The following SLC10A7 variants were observed in gnomAD, a reference collection of about 807,000 sequenced individuals.
The protein encoded by SLC10A7 is sodium/bile acid cotransporter 7.
In SLC10A7, 29 loss-of-function variants were observed where a neutral mutation model predicts 43.2. The observed-to-expected ratio is 0.67, with a 90% confidence interval of 0.50 to 0.92. The LOEUF (loss-of-function observed/expected upper bound fraction) is 0.92. SLC10A7 is among the 40% of genes least tolerant of loss of function. SLC10A7 has a pLI of 0.00. For missense variants in SLC10A7, 295 were observed against 403.2 expected (o/e 0.73, Z 2.30); for synonymous variants, 152 against 144.8 (o/e 1.05, Z -0.35).
chr4:146,355,136 T>C (rs1187585958), intron 5 of SLC10A7, among the ~76,000 whole-genome samples: 1 of 147,720 alleles, frequency 6.8e-6, no homozygotes, highest in Non-Finnish European at 1.5e-5. Context: ...CGCAACCTAC[T>C]CATCTGACAA....
intron 4 of SLC10A7, 74 bp from the exon 5 acceptor site, chr4:146,442,895 CT>C (rs1319024746): frequency 1.9e-6 from 2 of 1,048,414 alleles, no homozygotes; most frequent in East Asian, 5.3e-5. Flanking sequence ...GATTATCATT[CT>C]CCCCTCCCCC....
chr4:146,472,101 T>G (rs1316526968), intron 4 of SLC10A7, among the ~76,000 whole-genome samples: 2 of 152,130 alleles, frequency 1.3e-5, no homozygotes, highest in Non-Finnish European at 2.9e-5. Flanking sequence ...TAAACTTTTC[T>G]ATAAAATATA....
At chr4:146,462,639 A>T (rs146176501) in intron 4 of SLC10A7, among the ~76,000 whole-genome samples, 9 of 152,204 alleles carry the variant, frequency 5.9e-5, no homozygotes, top group Admixed American at 5.9e-4. Context: ...GTAAGCAGTG[A>T]AGCACTAAAT....
intron 4 of SLC10A7, among the ~76,000 whole-genome samples, chr4:146,494,943 T>C (rs1735757487): frequency 6.6e-6 from 1 of 152,154 alleles, no homozygotes; most frequent in African/African-American, 2.4e-5. Flanking sequence ...TATAGCAGCT[T>C]AAAACAAATA....
intron 2 of SLC10A7, among the ~76,000 whole-genome samples, chr4:146,511,463 G>A (rs957744050): frequency 6.6e-6 from 1 of 152,158 alleles, no homozygotes; most frequent in African/African-American, 2.4e-5. Context: ...AGATGTTCAA[G>A]AGATCCTCAG....
At chr4:146,455,934 A>G (rs1341808307) in intron 4 of SLC10A7, among the ~76,000 whole-genome samples, 1 of 151,902 alleles carries the variant, frequency 6.6e-6, no homozygotes, top group Non-Finnish European at 1.5e-5. Flanking sequence ...TTTTGCCATT[A>G]CAAGTAGCGT....
intron 5 of SLC10A7, among the ~76,000 whole-genome samples, chr4:146,388,220 C>T (rs1436729754): frequency 1.3e-5 from 2 of 152,110 alleles, no homozygotes; most frequent in African/African-American, 4.8e-5. Context: ...GGTATAAAAA[C>T]AGACAAATAG....
chr4:146,403,798 T>C (rs1007259294), intron 5 of SLC10A7, among the ~76,000 whole-genome samples: 1 of 152,064 alleles, frequency 6.6e-6, no homozygotes, highest in Non-Finnish European at 1.5e-5. Flanking sequence ...GGGAAGAAAA[T>C]CCAAACTCTT....
chr4:146,474,132 GAAA>G (rs386357490), intron 4 of SLC10A7, among the ~76,000 whole-genome samples: 2 of 13,372 alleles, frequency 1.5e-4, no homozygotes, highest in Non-Finnish European at 2.7e-4. Context: ...AAATAAAAGA[GAAA>G]AAAAAAAAAC....
intron 5 of SLC10A7, among the ~76,000 whole-genome samples, chr4:146,372,730 A>T (rs1210697795): frequency 6.6e-6 from 1 of 152,184 alleles, no homozygotes; most frequent in South Asian, 2.1e-4. Flanking sequence ...TTGCAAAGAG[A>T]ATGGCATAAA....
intron 2 of SLC10A7, chr4:146,515,181 C>A: frequency 1.4e-6 from 1 of 702,218 alleles, no homozygotes; most frequent in Non-Finnish European, 2.6e-6. Flanking sequence ...AAGTTGCTTT[C>A]TGGATTTCCC....
intron 4 of SLC10A7, among the ~76,000 whole-genome samples, chr4:146,449,769 T>C (rs1032318256): frequency 1.3e-5 from 2 of 152,204 alleles, no homozygotes; most frequent in African/African-American, 4.8e-5. Context: ...CATGTTTATA[T>C]ATTCATTAAT....
At chr4:146,361,106 TCTC>T (rs1186207841) in intron 5 of SLC10A7, among the ~76,000 whole-genome samples, 1 of 152,108 alleles carries the variant, frequency 6.6e-6, no homozygotes, top group African/African-American at 2.4e-5. Context: ...TTCCCTATCT[TCTC>T]CTATCATAGC....
intron 5 of SLC10A7, among the ~76,000 whole-genome samples, chr4:146,433,019 C>G (rs899800002): frequency 2.7e-5 from 4 of 148,634 alleles, no homozygotes; most frequent in Non-Finnish European, 4.4e-5. Context: ...GCGTGGGTGA[C>G]AGAGCAAGAC....
chr4:146,464,576 G>C (rs1732835417), intron 4 of SLC10A7, among the ~76,000 whole-genome samples: 1 of 151,932 alleles, frequency 6.6e-6, no homozygotes, highest in Non-Finnish European at 1.5e-5. Flanking sequence ...TAAATGAACA[G>C]TAAGCCTTTT....
chr4:146,330,840 A>G (rs552108686), intron 5 of SLC10A7, among the ~76,000 whole-genome samples: 6 of 152,196 alleles, frequency 3.9e-5, no homozygotes, highest in South Asian at 2.1e-4. Flanking sequence ...TCAGGCAAAC[A>G]GTGGTCTGGC....
At chr4:146,490,705 C>T (rs1272712811) in intron 4 of SLC10A7, among the ~76,000 whole-genome samples, 1 of 152,098 alleles carries the variant, frequency 6.6e-6, no homozygotes, top group African/African-American at 2.4e-5. Flanking sequence ...TTAACTGGAA[C>T]TAAAATGGAC....
intron 6 of SLC10A7, among the ~76,000 whole-genome samples, chr4:146,307,112 C>T (rs1231045331): frequency 6.6e-6 from 1 of 152,140 alleles, no homozygotes; most frequent in Admixed American, 6.6e-5. Context: ...TCACTGATTT[C>T]TGCATGAATG....
chr4:146,264,854 C>G (rs1425289892), intron 10 of SLC10A7, among the ~76,000 whole-genome samples: 2 of 152,184 alleles, frequency 1.3e-5, no homozygotes, highest in East Asian at 3.8e-4. Context: ...TTTTCACTGC[C>G]ATCTTCCTAA....
Sources: allele counts gnomAD v4.1 joint callset (sites outside exome capture counted in the v4.1 genomes callset), GRCh38; gene constraint gnomAD v4.1.1; transcripts MANE v1.5; gene names NCBI Gene and HGNC (gene_info 2026-07-23, HGNC 2026-07-21).